Variants in COL11A1 observed in about 807,000 individuals in gnomAD.
COL11A1 encodes collagen type XI alpha 1 chain.
COL11A1 carries 74 observed loss-of-function variants against 265.2 expected under a neutral mutation model. That is an observed-to-expected ratio of 0.28 (90% CI 0.23 to 0.34). The LOEUF is 0.34. Ranked by LOEUF, COL11A1 falls within the 10% of genes least tolerant of loss-of-function variation. The pLI, the probability that COL11A1 is intolerant of heterozygous loss-of-function variation, is 1.00. For synonymous variants in COL11A1, 816 were observed against 727.6 expected (o/e 1.12, Z -1.96); for missense variants, 2,165 against 2,263.6 (o/e 0.96, Z 0.88).
chr1:102,981,702 G>T (rs1663058341), intron 31 of COL11A1, among the ~76,000 whole-genome samples: 1 of 151,882 alleles, frequency 6.6e-6, no homozygotes, highest in South Asian at 2.1e-4. Flanking sequence ...AGGCCATAAA[G>T]TCAAAGATTA....
chr1:103,021,397 A>C (rs949956994), intron 9 of COL11A1, among the ~76,000 whole-genome samples: 2 of 152,146 alleles, frequency 1.3e-5, no homozygotes, highest in East Asian at 3.9e-4. Flanking sequence ...TTGATCAAAC[A>C]TTTGATACCT....
chr1:102,923,326 A>C lies in COL11A1; in HGVS notation c.3654+10T>G. On this transcript the variant is annotated intron_variant, in intron 47 of 66. Coordinates refer to ENST00000370096, the MANE Select transcript of COL11A1 (RefSeq NM_001854.4). Reference sequence around the variant, plus strand: ...CACATACCCATCAAACACCAAAAATAAAAACTTACCATGGGACCAACATCC... The same window carrying C: ...CACATACCCATCAAACACCAAAAATCAAAACTTACCATGGGACCAACATCC... 5 of 1,604,838 alleles carry C rather than the reference A, an allele frequency of 3.1e-6. No homozygotes were observed. The highest frequency in any genetic ancestry group is 2.6e-6 in the Non-Finnish European group (3 of 1,174,322).
At chr1:103,008,381 T>C in intron 15 of COL11A1, 82 bp downstream of exon 15, 1 of 1,148,222 alleles carries the variant, frequency 8.7e-7, no homozygotes, top group Non-Finnish European at 1.3e-6. Flanking sequence ...AAAAAAAAAT[T>C]AACTATTGAT....
chr1:102,914,658 T>C, intron 51 of COL11A1, 46 bp downstream of exon 51: 1 of 1,398,586 alleles, frequency 7.2e-7, no homozygotes, highest in Non-Finnish European at 1.0e-6. Flanking sequence ...AGCTCCAAGG[T>C]GAGTTTGGCA....
At chr1:103,050,692 T>C (rs963410160) in intron 4 of COL11A1, among the ~76,000 whole-genome samples, 2 of 152,166 alleles carry the variant, frequency 1.3e-5, no homozygotes, top group African/African-American at 4.8e-5. Flanking sequence ...TTTTAGAGTT[T>C]CCAGTTTTTC....
chr1:103,065,573 C>CA (rs61016929), intron 4 of COL11A1, among the ~76,000 whole-genome samples: 79,534 of 130,368 alleles, frequency 0.61, 25,677 homozygotes, highest in East Asian at 0.9. Flanking sequence ...AACAAACAAA[C>CA]AAAAAAAATA....
At chr1:102,907,300 A>C (rs1016970546) in intron 54 of COL11A1, among the ~76,000 whole-genome samples, 3 of 152,204 alleles carry the variant, frequency 2.0e-5, no homozygotes, top group South Asian at 2.1e-4. Context: ...ACAGTGCTAA[A>C]ATTTTTATGA....
chr1:103,025,675 C>G, intron 6 of COL11A1, 62 bp from the exon 7 acceptor site: 1 of 1,573,640 alleles, frequency 6.4e-7, no homozygotes, highest in Non-Finnish European at 8.7e-7. Flanking sequence ...GTATGGAAAT[C>G]ATGATTTAAT....
chr1:103,012,723 T>C (rs565951796), intron 13 of COL11A1, among the ~76,000 whole-genome samples: 1 of 152,282 alleles, frequency 6.6e-6, no homozygotes, highest in South Asian at 2.1e-4. Flanking sequence ...TAATCAAAAA[T>C]AAAAGTTAAA....
intron 23 of COL11A1, 144 bp from the exon 24 acceptor site, chr1:103,002,113 C>T: frequency 1.3e-6 from 1 of 763,924 alleles, no homozygotes; most frequent in Non-Finnish European, 2.2e-6. Context: ...AATTTTAGAA[C>T]ACGATGAGGA....
chr1:102,885,703 AC>A (rs1650882315), intron 63 of COL11A1, among the ~76,000 whole-genome samples: 1 of 148,088 alleles, frequency 6.8e-6, no homozygotes, highest in Non-Finnish European at 1.5e-5. Context: ...GATATATCTT[AC>A]ATGGTTTTTA....
intron 15 of COL11A1, 43 bp from the exon 16 acceptor site, chr1:103,006,358 G>T (rs1571010740): frequency 6.6e-7 from 1 of 1,517,544 alleles, no homozygotes; most frequent in East Asian, 2.3e-5. Context: ...TAGAATTCTT[G>T]ATCAATAAAC....
intron 31 of COL11A1, among the ~76,000 whole-genome samples, chr1:102,981,174 C>G (rs1242004612): frequency 6.6e-6 from 1 of 152,032 alleles, no homozygotes; most frequent in East Asian, 1.9e-4. Flanking sequence ...TCAATACATG[C>G]CTATACAGCT....
intron 23 of COL11A1, 55 bp downstream of exon 23, chr1:103,002,373 A>G (rs1263202384): frequency 3.5e-6 from 5 of 1,415,990 alleles, no homozygotes; most frequent in African/African-American, 2.8e-5. Flanking sequence ...TTTCTTATAG[A>G]AAGATAGCAT....
intron 14 of COL11A1, among the ~76,000 whole-genome samples, chr1:103,010,102 A>C (rs1443934750): frequency 6.6e-6 from 1 of 152,190 alleles, no homozygotes; most frequent in Non-Finnish European, 1.5e-5. Flanking sequence ...GGGAAAAAAC[A>C]GATTTTCTAC....
At chr1:103,076,065 AAC>A (rs1317238369) in intron 3 of COL11A1, among the ~76,000 whole-genome samples, 2 of 152,128 alleles carry the variant, frequency 1.3e-5, no homozygotes, top group Non-Finnish European at 2.9e-5. Flanking sequence ...AACTGATTAG[AAC>A]TCTAAACTTG....
At chr1:102,966,589 G>T (rs537695924) in intron 37 of COL11A1, among the ~76,000 whole-genome samples, 4 of 152,222 alleles carry the variant, frequency 2.6e-5, no homozygotes, top group Admixed American at 2.6e-4. Flanking sequence ...AATAGCAAAA[G>T]CAATCATTTC....
intron 4 of COL11A1, among the ~76,000 whole-genome samples, chr1:103,050,217 C>T (rs1006893490): frequency 6.6e-6 from 1 of 152,220 alleles, no homozygotes; most frequent in African/African-American, 2.4e-5. Flanking sequence ...GTTCCATTCT[C>T]CCCGTCACTT....
chr1:102,991,229 T>C (rs1472493065), intron 28 of COL11A1, among the ~76,000 whole-genome samples: 4 of 151,966 alleles, frequency 2.6e-5, no homozygotes, highest in African/African-American at 9.7e-5. Context: ...TTTATTTCAG[T>C]TGGTAGAAAT....
Sources: allele counts gnomAD v4.1 joint callset (sites outside exome capture counted in the v4.1 genomes callset), GRCh38; gene constraint gnomAD v4.1.1; transcripts MANE v1.5; gene names NCBI Gene and HGNC (gene_info 2026-07-23, HGNC 2026-07-21).